Variants in NLGN1 observed in about 807,000 individuals in gnomAD.
NLGN1 encodes neuroligin-1.
Under a neutral mutation model 65.5 loss-of-function variants are expected in NLGN1, and 12 were observed. The observed-to-expected ratio is 0.18, with a 90% CI of 0.12 to 0.30. The LOEUF (loss-of-function observed/expected upper bound fraction) is 0.30, where lower values mean the gene tolerates loss of function less well. NLGN1 is among the 10% of genes least tolerant of loss of function. NLGN1 has a pLI of 1.00. For missense variants in NLGN1, 750 were observed against 1,007.1 expected (o/e 0.74, Z 3.46); for synonymous variants, 350 against 359.5 (o/e 0.97, Z 0.30).
chr3:173,501,318 A>G (rs1731086618), intron 2 of NLGN1, among the ~76,000 whole-genome samples: 1 of 152,138 alleles, frequency 6.6e-6, no homozygotes, highest in Non-Finnish European at 1.5e-5. Flanking sequence ...ATGTGTTCTC[A>G]TTGTTCAGCT....
intron 3 of NLGN1, among the ~76,000 whole-genome samples, chr3:173,688,516 C>T (rs1276430810): frequency 1.3e-5 from 2 of 152,054 alleles, no homozygotes; most frequent in South Asian, 2.1e-4. Flanking sequence ...TTAATCATAG[C>T]AATACACTGG....
intron 3 of NLGN1, among the ~76,000 whole-genome samples, chr3:173,754,024 C>CTT (rs71162358): frequency 1.1e-4 from 13 of 121,592 alleles, no homozygotes; most frequent in East Asian, 2.4e-4. Context: ...TCTTTCTTTT[C>CTT]TTTTTTTTTT....
At chr3:173,507,245 G>C (rs1732183006) in intron 2 of NLGN1, among the ~76,000 whole-genome samples, 1 of 152,074 alleles carries the variant, frequency 6.6e-6, no homozygotes, top group Non-Finnish European at 1.5e-5. Context: ...CTTTTGAATG[G>C]AAGGAGGAAC....
intron 4 of NLGN1, among the ~76,000 whole-genome samples, chr3:173,889,335 C>G (rs1413761113): frequency 6.6e-6 from 1 of 152,086 alleles, no homozygotes; most frequent in Non-Finnish European, 1.5e-5. Flanking sequence ...TTGCAGCCAT[C>G]TTGCCTTTCT....
rs550160274 is a variant in NLGN1, at chr3:173,947,796, A to G, written c.646+139964A>G. ...TATTATTGAACTATCAAATGCCAAT[A>G]TCCCTTTTCATACTAATAGCCATAC... On this transcript the variant is annotated intron_variant, in intron 4 of 6. Coordinates refer to ENST00000457714, the Ensembl canonical transcript of NLGN1. Among the ~76,000 whole-genome samples, 9 of 152,322 alleles carry G rather than the reference A, an allele frequency of 5.9e-5. No individual in the cohort carries two copies. The South Asian group carries it at 1.9e-3, about 32-fold the overall frequency.
chr3:173,490,477 T>G (rs540434294), intron 2 of NLGN1, among the ~76,000 whole-genome samples: 7 of 152,330 alleles, frequency 4.6e-5, no homozygotes, highest in Admixed American at 4.6e-4. Context: ...ACCAGTACCA[T>G]GCTGTTTTGG....
At chr3:173,989,954 C>T (rs1720750832) in intron 4 of NLGN1, among the ~76,000 whole-genome samples, 1 of 152,146 alleles carries the variant, frequency 6.6e-6, no homozygotes, top group Admixed American at 6.5e-5. Flanking sequence ...ACCTGGATCA[C>T]CAGCTCACTT....
chr3:173,833,400 T>G (rs1722976229), intron 4 of NLGN1, among the ~76,000 whole-genome samples: 1 of 152,192 alleles, frequency 6.6e-6, no homozygotes, highest in Non-Finnish European at 1.5e-5. Context: ...TATACTTTTG[T>G]TGGTTTTTAA....
chr3:173,870,700 T>C (rs1416098994), intron 4 of NLGN1, among the ~76,000 whole-genome samples: 2 of 152,208 alleles, frequency 1.3e-5, no homozygotes, highest in East Asian at 1.9e-4. Context: ...TCATGGTTGA[T>C]GCAAAAATTA....
chr3:173,400,425 G>GAATTCAC (rs1717454874), intron 1 of NLGN1, among the ~76,000 whole-genome samples: 1 of 151,980 alleles, frequency 6.6e-6, no homozygotes, highest in Admixed American at 6.6e-5. Flanking sequence ...CCCCCCTTCT[G>GAATTCAC]AATTCACTCT....
At chr3:174,130,709 G>A (rs779509630) in intron 4 of NLGN1, among the ~76,000 whole-genome samples, 9 of 152,008 alleles carry the variant, frequency 5.9e-5, no homozygotes, top group Non-Finnish European at 8.8e-5. Flanking sequence ...AAAAGCAAAG[G>A]GACAGAATTG....
chr3:173,418,241 T>G (rs1714200080), intron 1 of NLGN1, among the ~76,000 whole-genome samples: 1 of 151,580 alleles, frequency 6.6e-6, no homozygotes, highest in Non-Finnish European at 1.5e-5. Flanking sequence ...TAGTATACAA[T>G]GTAATATTAT....
rs771185432 is a variant in NLGN1, at chr3:174,278,938, G to T, written c.937G>T (p.Ala313Ser). 10 of 1,533,122 alleles carry T rather than the reference G, an allele frequency of 6.5e-6. No homozygotes were observed. In the East Asian group the frequency reaches 2.3e-4, roughly 35 times the overall value. 95.0% of individuals were successfully genotyped at this position (1,533,122 alleles called of 1,614,324 possible). Residue 313 changes from alanine (A) to serine (S), a missense_variant, in exon 6 of 7, where the codon GCT becomes TCT. Transcript: ENST00000457714. The stretch of plus-strand genomic sequence containing the variant: ...TGTTAGTTTTCAACCTGCAAAATAT[G>T]CTAGAATGTTGGCCACAAAAGTTGG...
At chr3:173,529,166 G>C (rs1384428978) in intron 2 of NLGN1, among the ~76,000 whole-genome samples, 11 of 152,168 alleles carry the variant, frequency 7.2e-5, no homozygotes. Flanking sequence ...TGTACAGTAT[G>C]TTAGGTAGGG....
chr3:173,984,403 C>T (rs1719446276), intron 4 of NLGN1, among the ~76,000 whole-genome samples: 2 of 152,158 alleles, frequency 1.3e-5, no homozygotes, highest in South Asian at 4.1e-4. Context: ...AATGCTAATT[C>T]ATTGAGACCT....
chr3:173,620,912 C>T (rs1176459129), intron 3 of NLGN1, among the ~76,000 whole-genome samples: 1 of 152,078 alleles, frequency 6.6e-6, no homozygotes, highest in Non-Finnish European at 1.5e-5. Context: ...AAAGAACAAG[C>T]AGGTGCATAA....
At chr3:173,621,788 T>C (rs1047341957) in intron 3 of NLGN1, among the ~76,000 whole-genome samples, 2 of 152,026 alleles carry the variant, frequency 1.3e-5, no homozygotes, top group African/African-American at 4.8e-5. Context: ...AATGAAATGG[T>C]TGGGAGGAAG....
At chr3:173,711,074 A>T (rs1229019814) in intron 3 of NLGN1, among the ~76,000 whole-genome samples, 1 of 152,212 alleles carries the variant, frequency 6.6e-6, no homozygotes, top group Non-Finnish European at 1.5e-5. Flanking sequence ...AGGCAAGAAG[A>T]TCCATAATTG....
chr3:173,803,469 A>C (rs1578513854), intron 3 of NLGN1, among the ~76,000 whole-genome samples: 1 of 152,034 alleles, frequency 6.6e-6, no homozygotes, highest in South Asian at 2.1e-4. Context: ...TGAGCCCAGC[A>C]TGGTGGCGAG....
Sources: gnomAD v4.1 joint callset for allele counts (sites outside exome capture counted in the v4.1 genomes callset) on GRCh38, gnomAD v4.1.1 for gene constraint, MANE v1.5 for transcripts, NCBI Gene and HGNC (gene_info 2026-07-23, HGNC 2026-07-21) for gene names.